AKT3: variants seen among roughly 807,000 people sequenced by gnomAD.
AKT3 encodes the protein RAC-gamma serine/threonine-protein kinase.
AKT3 carries 15 observed loss-of-function variants against 65.3 expected under a neutral mutation model. The observed-to-expected ratio is 0.23, with a 90% CI of 0.15 to 0.35. The LOEUF is 0.35. AKT3 is among the 10% of genes least tolerant of loss of function. AKT3 has a pLI of 1.00. For synonymous variants in AKT3, 206 were observed against 183.8 expected (o/e 1.12, Z -0.98); for missense variants, 243 against 576.5 (o/e 0.42, Z 5.92).
chr1:243,798,829 C>T (rs1234075095), intron 2 of AKT3, among the ~76,000 whole-genome samples: 1 of 152,188 alleles, frequency 6.6e-6, no homozygotes, highest in Non-Finnish European at 1.5e-5. Flanking sequence ...TCATCAACCC[C>T]TTAACACAGC....
chr1:243,787,415 C>A (rs533133827), intron 2 of AKT3, among the ~76,000 whole-genome samples: 5 of 152,272 alleles, frequency 3.3e-5, no homozygotes, highest in South Asian at 2.1e-4. Flanking sequence ...TATTCAGTGA[C>A]TGCCAGTTGA....
chr1:243,712,496 G>C (rs1686226681), intron 2 of AKT3, among the ~76,000 whole-genome samples: 1 of 152,062 alleles, frequency 6.6e-6, no homozygotes, highest in Non-Finnish European at 1.5e-5. Flanking sequence ...AAATGTTTTA[G>C]GAAGGCATGA....
chr1:243,649,642 T>A (rs559910600), intron 4 of AKT3, among the ~76,000 whole-genome samples: 2 of 152,164 alleles, frequency 1.3e-5, no homozygotes, highest in East Asian at 3.9e-4. Context: ...CAACTCCCAC[T>A]TATGAATGAG....
At chr1:243,795,473 TTGG>T (rs1558817996) in intron 2 of AKT3, among the ~76,000 whole-genome samples, 4 of 99,358 alleles carry the variant, frequency 4.0e-5, no homozygotes, top group Non-Finnish European at 9.1e-5. Context: ...TTTTTTTTTT[TTGG>T]TTTTTTTTTT....
At chr1:243,549,582 C>T (rs1456029182) in intron 11 of AKT3, among the ~76,000 whole-genome samples, 2 of 152,114 alleles carry the variant, frequency 1.3e-5, no homozygotes, top group Non-Finnish European at 2.9e-5. Flanking sequence ...CATGTGCCAC[C>T]ATACCCAGCA....
chr1:243,813,385 T>C (rs1693307153), intron 2 of AKT3, among the ~76,000 whole-genome samples: 1 of 151,944 alleles, frequency 6.6e-6, no homozygotes, highest in Admixed American at 6.6e-5. Context: ...TTGGGTTCAG[T>C]GTATATTGCT....
chr1:243,831,956 T>C (rs1357050125), intron 2 of AKT3, among the ~76,000 whole-genome samples: 1 of 151,716 alleles, frequency 6.6e-6, no homozygotes, highest in Non-Finnish European at 1.5e-5. Context: ...AAATATGGCC[T>C]CAGTTTTGAA....
At chr1:243,677,114 C>T (rs1206117733) in intron 3 of AKT3, among the ~76,000 whole-genome samples, 1 of 152,210 alleles carries the variant, frequency 6.6e-6, no homozygotes, top group Non-Finnish European at 1.5e-5. Flanking sequence ...ATAAACATGT[C>T]TCTTCACTGT....
At chr1:243,628,805 G>C (rs1373204998) in intron 6 of AKT3, among the ~76,000 whole-genome samples, 6 of 152,218 alleles carry the variant, frequency 3.9e-5, no homozygotes, top group Non-Finnish European at 8.8e-5. Flanking sequence ...ACTGACTGAT[G>C]TGAAACTGAT....
downstream of AKT3, among the ~76,000 whole-genome samples, chr1:243,496,330 G>A (rs758091404): frequency 6.6e-6 from 1 of 151,158 alleles, no homozygotes; most frequent in Non-Finnish European, 1.5e-5. Context: ...CCCAGAACAC[G>A]AGGCGGAGGC....
At chr1:243,599,517 T>C (rs1676859581) in intron 8 of AKT3, among the ~76,000 whole-genome samples, 1 of 152,116 alleles carries the variant, frequency 6.6e-6, no homozygotes. Flanking sequence ...TGTTATAAGG[T>C]TCTTACAGTA....
chr1:243,606,640 G>A (rs1318100212), intron 8 of AKT3, among the ~76,000 whole-genome samples: 1 of 152,224 alleles, frequency 6.6e-6, no homozygotes, highest in Non-Finnish European at 1.5e-5. Context: ...ATTTTGTGGG[G>A]AGAAATTCAA....
At chr1:243,810,927 T>C (rs9428979) in intron 2 of AKT3, among the ~76,000 whole-genome samples, 126,482 of 152,006 alleles carry the variant, frequency 0.83, 52,764 homozygotes, top group Non-Finnish European at 0.86. Context: ...ACAAAAACCA[T>C]GATTATCTCA....
At chr1:243,586,403 C>A (rs1297316959) in intron 8 of AKT3, among the ~76,000 whole-genome samples, 1 of 152,004 alleles carries the variant, frequency 6.6e-6, no homozygotes, top group African/African-American at 2.4e-5. Context: ...AGTGTGTACC[C>A]AAAAGAAAAC....
intron 3 of AKT3, among the ~76,000 whole-genome samples, chr1:243,667,025 G>C (rs887522102): frequency 5.9e-5 from 9 of 151,996 alleles, no homozygotes; most frequent in Non-Finnish European, 1.0e-4. Flanking sequence ...GCATCACTAG[G>C]GAGTATCACA....
At chr1:243,661,366 A>C (rs1011529852) in intron 4 of AKT3, among the ~76,000 whole-genome samples, 9 of 152,212 alleles carry the variant, frequency 5.9e-5, no homozygotes, top group African/African-American at 2.2e-4. Context: ...AGAGATATAG[A>C]TCAATGGAAC....
intron 3 of AKT3, among the ~76,000 whole-genome samples, chr1:243,684,198 T>C (rs908361014): frequency 1.2e-4 from 18 of 152,156 alleles, no homozygotes; most frequent in Non-Finnish European, 1.0e-4. Flanking sequence ...GGGGTACATG[T>C]GCAGAACGTG....
intron 2 of AKT3, among the ~76,000 whole-genome samples, chr1:243,707,251 T>C (rs115157613): frequency 7.2e-4 from 109 of 152,336 alleles, no homozygotes; most frequent in African/African-American, 2.6e-3. Flanking sequence ...ATGGAATTTC[T>C]TTAATTTGTC....
intron 1 of AKT3, among the ~76,000 whole-genome samples, chr1:243,849,790 C>T (rs927902062): frequency 6.6e-6 from 1 of 151,858 alleles, no homozygotes. Context: ...CAGCTTTCCC[C>T]GGAAAGCGGG....
Sources: gnomAD v4.1 joint callset for allele counts (sites outside exome capture counted in the v4.1 genomes callset) on GRCh38, gnomAD v4.1.1 for gene constraint, MANE v1.5 for transcripts, NCBI Gene and HGNC (gene_info 2026-07-23, HGNC 2026-07-21) for gene names.